Variants in DOK7 observed in about 807,000 individuals in gnomAD.
The protein encoded by DOK7 is protein Dok-7.
DOK7 carries 32 observed loss-of-function variants against 30.7 expected under a neutral mutation model. The observed-to-expected ratio is 1.04, with a 90% CI of 0.79 to 1.40. DOK7 has a LOEUF of 1.40. Among genes scored for constraint, DOK7 ranks in the 40% most tolerant of loss-of-function variants. The pLI, the probability that DOK7 is intolerant of heterozygous loss-of-function variation, is 0.00. For synonymous variants in DOK7, 447 were observed against 324.1 expected, an observed-to-expected ratio of 1.38 and a Z score of -4.07; for missense variants, 1,007 against 699.2, an observed-to-expected ratio of 1.44 and a Z score of -4.97.
At chr4:3,468,656 G>C (rs767397020) in intron 2 of DOK7, among the ~76,000 whole-genome samples, 20 of 109,734 alleles carry the variant, frequency 1.8e-4, no homozygotes, top group Non-Finnish European at 1.5e-4. Flanking sequence ...GTGCATGTAT[G>C]AGTGTGTGTG....
intron 5 of DOK7, among the ~76,000 whole-genome samples, chr4:3,486,161 T>C (rs1277807845): frequency 6.6e-6 from 1 of 152,134 alleles, no homozygotes; most frequent in Non-Finnish European, 1.5e-5. Context: ...CACGTTGGGC[T>C]GAGGGGGTCT....
Position 3,492,980 on chromosome 4 carries a change from C to T in DOK7, c.994C>T (p.Arg332Cys), listed in dbSNP as rs200394790. The T allele has an allele frequency of 2.8e-5, 43 of 1,554,646 alleles. No homozygotes were observed. The highest frequency in any genetic ancestry group is 8.2e-5 in the South Asian group (7 of 85,550). The change falls in exon 7 of 7, where the codon CGC becomes TGC. Residue 332 changes from arginine to cysteine, a missense_variant. Arg to Cys is a radical substitution (Grantham distance 180). Coordinates refer to ENST00000340083, the MANE Select transcript of DOK7 (RefSeq NM_173660.5). ...LRPRQLQEVG[R>C]QSSSDSGIAT... ...TCCGCGGCAGCTGCAGGAGGTTGGC[C>T]GCCAGAGCTCCTCGGACAGCGGCAT...
At chr4:3,471,071 G>A (rs1447320388) in intron 2 of DOK7, among the ~76,000 whole-genome samples, 5 of 152,262 alleles carry the variant, frequency 3.3e-5, no homozygotes. Context: ...GTTGGCCAGT[G>A]TGTGCCCCTT....
chr4:3,482,135 G>C (rs1467055425), intron 4 of DOK7, among the ~76,000 whole-genome samples: 3 of 152,190 alleles, frequency 2.0e-5, no homozygotes, highest in Non-Finnish European at 2.9e-5. Flanking sequence ...GCTCAAAGAT[G>C]TCTGACGTGC....
downstream of DOK7, among the ~76,000 whole-genome samples, chr4:3,497,302 TCAGA>T (rs1728965157): frequency 6.6e-6 from 1 of 151,984 alleles, no homozygotes; most frequent in Admixed American, 6.5e-5. Context: ...GGCTGTGTCC[TCAGA>T]CAGCGGTGGG....
intron 2 of DOK7, 136 bp from the exon 3 acceptor site, chr4:3,473,269 GC>G: frequency 2.5e-6 from 2 of 786,444 alleles, no homozygotes; most frequent in South Asian, 3.1e-5. Context: ...GGGAGTCGAA[GC>G]CTTGGCATGG....
Position 3,473,517 on chromosome 4 carries a change from A to T in DOK7, c.212A>T (p.Tyr71Phe), listed in dbSNP as rs771583740. 21 of 1,611,134 alleles carry T rather than the reference A, an allele frequency of 1.3e-5. No homozygotes were observed. In the South Asian group the frequency reaches 2.2e-4, roughly 17 times the overall value. ...TGCGGGCTGGAGCCCGGCCTGCCCT[A>T]CGAGGGCCTGGTCCACACGCTGGCC... The part of the protein sequence containing the change: ...DICGLEPGLP[Y>F]EGLVHTLAIV... Residue 71 changes from tyrosine to phenylalanine, a missense_variant, in exon 3 of 7, where the codon TAC becomes TTC. Physicochemically the swap from Tyr to Phe is conservative, Grantham distance 22 (BLOSUM62 3). Coordinates refer to ENST00000340083, the MANE Select transcript of DOK7 (RefSeq NM_173660.5).
In DOK7 at chr4:3,467,568, T is replaced by C. The variant is rs142217909; in HGVS notation, c.100+4017T>C. On this transcript the variant is annotated intron_variant, in intron 2 of 6. Transcript: ENST00000340083. ...GGGGGAGCGTGTGTGCACGTGCGTG[T>C]GTGTGTGTGAGGATGTACATGTGCA... 6.2e-3 allele frequency among the ~76,000 whole-genome samples: 936 copies of C among 151,134 alleles called. 17 individuals are homozygous for C. The highest frequency in any genetic ancestry group is 0.022 in the African/African-American group (907 of 40,896).
intron 5 of DOK7, among the ~76,000 whole-genome samples, chr4:3,488,156 C>A (rs1411266721): frequency 6.6e-6 from 1 of 152,234 alleles, no homozygotes; most frequent in South Asian, 2.1e-4. Context: ...CCCGGCAATG[C>A]TACAGACAGG....
At chr4:3,492,542 A>G (rs1054478649) in intron 6 of DOK7, among the ~76,000 whole-genome samples, 1 of 152,114 alleles carries the variant, frequency 6.6e-6, no homozygotes, top group African/African-American at 2.4e-5. Flanking sequence ...AACAGGTGGC[A>G]GAAGGACAGG....
rs755615582 is a variant in DOK7, at chr4:3,493,309, G to A, written c.1323G>A (p.Gly441=). The stretch of plus-strand genomic sequence containing the variant: ...ACTCAGGCGGCCAGACGTCCGCCGG[G>A]TGTCCCTCTGGCTGGCTGGGCACGA... ...ARDSGGQTSA[G]CPSGWLGTRR... Residue 441 remains glycine, a synonymous_variant, in exon 7 of 7, where the codon GGG becomes GGA. Coordinates refer to ENST00000340083, the MANE Select transcript of DOK7 (RefSeq NM_173660.5). 3.1e-5 allele frequency: 50 copies of A among 1,605,770 alleles called. No individual in the cohort carries two copies. The Admixed American group carries it at 6.2e-4, about 20-fold the overall frequency.
intron 2 of DOK7, among the ~76,000 whole-genome samples, chr4:3,469,101 TGC>T (rs1172138467): frequency 6.6e-6 from 1 of 150,486 alleles, no homozygotes; most frequent in Non-Finnish European, 1.5e-5. Flanking sequence ...TGCCTGTGTG[TGC>T]GTGCATGTAT....
intron 4 of DOK7, among the ~76,000 whole-genome samples, chr4:3,479,515 T>C (rs1161201354): frequency 3.9e-5 from 6 of 152,158 alleles, no homozygotes; most frequent in Non-Finnish European, 7.4e-5. Flanking sequence ...CCCTGGAAGT[T>C]CTTGGGTGTA....
rs1397004199 is a variant in DOK7, at chr4:3,473,481, T to A, written c.176T>A (p.Leu59Gln). ...KGLRERSSLT[L>Q]EDICGLEPGL... is the part of the protein sequence containing the mutation. ...CTGCGGGAGCGCAGCAGCCTGACGC[T>A]AGAGGACATCTGCGGGCTGGAGCCC... Residue 59 changes from leucine to glutamine, a missense_variant, in exon 3 of 7, where the codon CTA (leucine) becomes CAA (glutamine). Coordinates refer to ENST00000340083, the MANE Select transcript of DOK7 (RefSeq NM_173660.5). 6.2e-7 allele frequency: 1 copy of A among 1,611,210 alleles called. No homozygotes were observed. The highest frequency in any genetic ancestry group is 1.7e-5 in the Admixed American group (1 of 60,020).
chr4:3,484,913 T>C, intron 4 of DOK7: 1 of 980,550 alleles, frequency 1.0e-6, no homozygotes, highest in South Asian at 4.7e-5. Flanking sequence ...GGAAGTGTGG[T>C]CACATGGCAG....
intron 3 of DOK7, among the ~76,000 whole-genome samples, chr4:3,474,744 C>T (rs868336767): frequency 1.3e-5 from 2 of 152,132 alleles, no homozygotes; most frequent in South Asian, 2.1e-4. Context: ...ATCGCTTGAA[C>T]CTGGGAGGCA....
At chr4:3,484,653 C>T (rs557687422) in intron 4 of DOK7, 523 of 985,558 alleles carry the variant, frequency 5.3e-4, no homozygotes, top group South Asian at 6.6e-4. Flanking sequence ...CTGCCAGTGA[C>T]GCTGGGCTGG....
chr4:3,476,989 G>C (rs980732342), intron 4 of DOK7, among the ~76,000 whole-genome samples: 7 of 152,214 alleles, frequency 4.6e-5, no homozygotes, highest in African/African-American at 1.7e-4. Flanking sequence ...GCCCAGAGCT[G>C]CCCTAATGTC....
At chr4:3,468,870 C>A (rs1010777900) in intron 2 of DOK7, among the ~76,000 whole-genome samples, 22 of 137,218 alleles carry the variant, frequency 1.6e-4, no homozygotes, top group Non-Finnish European at 2.8e-4. Context: ...AGTGTGCATG[C>A]CTGTGTACGA....
Sources: allele counts gnomAD v4.1 joint callset (sites outside exome capture counted in the v4.1 genomes callset), GRCh38; gene constraint gnomAD v4.1.1; transcripts MANE v1.5; gene names NCBI Gene and HGNC (gene_info 2026-07-23, HGNC 2026-07-21).